CDH13: variants seen among roughly 807,000 people sequenced by gnomAD.
CDH13 encodes cadherin 13, also known as cadherin-13.
CDH13 carries 24 observed loss-of-function variants against 63.8 expected under a neutral mutation model. The observed-to-expected ratio is 0.38, with a 90% CI of 0.27 to 0.53. CDH13 has a LOEUF of 0.53. CDH13 is among the 20% of genes least tolerant of loss of function. The pLI is 0.85. For synonymous variants in CDH13, 503 were observed against 355.3 expected, an observed-to-expected ratio of 1.42 and a Z score of -4.67; for missense variants, 1,049 against 903.1, an observed-to-expected ratio of 1.16 and a Z score of -2.07.
At chr16:83,223,060 T>C (rs1045900241) in intron 5 of CDH13, among the ~76,000 whole-genome samples, 1 of 75,618 alleles carries the variant, frequency 1.3e-5, no homozygotes, top group Non-Finnish European at 3.1e-5. Context: ...AGTTGTCCTA[T>C]AAGGGGCAAA....
chr16:83,191,530 C>CAT (rs71376303), intron 4 of CDH13, among the ~76,000 whole-genome samples: 4,872 of 73,968 alleles, frequency 0.066, 169 homozygotes, highest in Non-Finnish European at 0.082. Flanking sequence ...CACACACACA[C>CAT]ATATATATAT....
intron 1 of CDH13, among the ~76,000 whole-genome samples, chr16:82,695,459 G>A (rs994597637): frequency 6.6e-6 from 1 of 152,024 alleles, no homozygotes; most frequent in East Asian, 1.9e-4. Context: ...ACCATTCATG[G>A]CAGGGTTAGC....
chr16:83,091,803 G>C (rs1271962227), intron 3 of CDH13, among the ~76,000 whole-genome samples: 1 of 152,182 alleles, frequency 6.6e-6, no homozygotes, highest in East Asian at 1.9e-4. Context: ...CATGGTGGGT[G>C]TATAATAACT....
At chr16:83,188,291 G>C (rs183461196) in intron 4 of CDH13, among the ~76,000 whole-genome samples, 1 of 152,220 alleles carries the variant, frequency 6.6e-6, no homozygotes, top group Non-Finnish European at 1.5e-5. Flanking sequence ...AGCAATGGGG[G>C]CTTGGCCCAG....
At chr16:83,183,285 G>A (rs1219377761) in intron 4 of CDH13, among the ~76,000 whole-genome samples, 1 of 152,208 alleles carries the variant, frequency 6.6e-6, no homozygotes, top group Non-Finnish European at 1.5e-5. Context: ...TTTGGCTATT[G>A]TCTGAAGAGC....
intron 2 of CDH13, among the ~76,000 whole-genome samples, chr16:82,883,001 C>T (rs985764322): frequency 2.0e-5 from 3 of 152,032 alleles, no homozygotes; most frequent in Non-Finnish European, 4.4e-5. Flanking sequence ...AGAGATTTGT[C>T]CTATGAGAAA....
chr16:82,836,180 G>A (rs938998728), intron 1 of CDH13, among the ~76,000 whole-genome samples: 1 of 152,124 alleles, frequency 6.6e-6, no homozygotes, highest in Non-Finnish European at 1.5e-5. Context: ...AGACTGGAGT[G>A]CATTGGCGCC....
intron 8 of CDH13, among the ~76,000 whole-genome samples, chr16:83,653,368 A>G (rs941786629): frequency 2.0e-5 from 3 of 152,188 alleles, no homozygotes; most frequent in Admixed American, 2.0e-4. Flanking sequence ...TCTAAAGACT[A>G]TAGGGGATGT....
chr16:82,993,796 G>A (rs373568441), intron 2 of CDH13, among the ~76,000 whole-genome samples: 1 of 152,128 alleles, frequency 6.6e-6, no homozygotes, highest in Non-Finnish European at 1.5e-5. Context: ...GATCTAACAA[G>A]CAGGTTTTCC....
At chr16:83,528,975 G>T (rs528266327) in intron 7 of CDH13, among the ~76,000 whole-genome samples, 15 of 152,230 alleles carry the variant, frequency 9.9e-5, no homozygotes, top group African/African-American at 3.1e-4. Context: ...TATATAAATT[G>T]CTTGGTCCAC....
At chr16:83,241,892 A>G (rs997904301) in intron 5 of CDH13, among the ~76,000 whole-genome samples, 3 of 152,164 alleles carry the variant, frequency 2.0e-5, no homozygotes, top group African/African-American at 7.2e-5. Context: ...TTTGTGTCAT[A>G]TATAAGAAAT....
intron 7 of CDH13, among the ~76,000 whole-genome samples, chr16:83,531,631 C>T (rs2075086087): frequency 6.6e-6 from 1 of 152,182 alleles, no homozygotes; most frequent in African/African-American, 2.4e-5. Context: ...AATGTCCCTA[C>T]AAGAGGGAGG....
At chr16:83,586,301 C>T (rs1481412338) in intron 7 of CDH13, among the ~76,000 whole-genome samples, 2 of 152,128 alleles carry the variant, frequency 1.3e-5, no homozygotes, top group Admixed American at 1.3e-4. Context: ...GCAGGGATTT[C>T]CTCCCAGAGA....
chr16:83,501,301 C>G (rs1204103918), intron 7 of CDH13, among the ~76,000 whole-genome samples: 4 of 152,228 alleles, frequency 2.6e-5, no homozygotes, highest in East Asian at 3.9e-4. Flanking sequence ...GGCCTTAAAA[C>G]TGGGAACCAA....
chr16:83,020,762 C>G (rs1031019982), intron 2 of CDH13, among the ~76,000 whole-genome samples: 7 of 152,190 alleles, frequency 4.6e-5, no homozygotes, highest in African/African-American at 1.7e-4. Context: ...CTCAGAGGCC[C>G]CCTTCCTCCC....
chr16:83,273,205 G>T (rs982441184), intron 5 of CDH13, among the ~76,000 whole-genome samples: 10 of 152,022 alleles, frequency 6.6e-5, no homozygotes, highest in Admixed American at 6.6e-4. Flanking sequence ...TTAGGTGCAG[G>T]GGATACATGT....
chr16:83,785,955 C>A (rs1915851944), intron 13 of CDH13, among the ~76,000 whole-genome samples: 1 of 152,144 alleles, frequency 6.6e-6, no homozygotes, highest in Non-Finnish European at 1.5e-5. Flanking sequence ...GTGCTGGTTC[C>A]TTCGGTTCAC....
chr16:83,115,048 A>G (rs1476572234), intron 3 of CDH13, among the ~76,000 whole-genome samples: 1 of 152,180 alleles, frequency 6.6e-6, no homozygotes, highest in African/African-American at 2.4e-5. Context: ...CTCTGGGAAA[A>G]TGTTAAAGCT....
chr16:83,019,698 G>T (rs967167703), intron 2 of CDH13, among the ~76,000 whole-genome samples: 2 of 151,328 alleles, frequency 1.3e-5, no homozygotes, highest in African/African-American at 2.4e-5. Flanking sequence ...GTCTTGCCAT[G>T]TTGCCCAGTA....
Sources: gnomAD v4.1 joint callset for allele counts (sites outside exome capture counted in the v4.1 genomes callset) on GRCh38, gnomAD v4.1.1 for gene constraint, MANE v1.5 for transcripts, NCBI Gene and HGNC (gene_info 2026-07-23, HGNC 2026-07-21) for gene names.